SMARCA4: variants seen among roughly 807,000 people sequenced by gnomAD.
The protein encoded by SMARCA4 is SWI/SNF related BAF chromatin remodeling complex subunit ATPase 4.
Under a neutral mutation model 193.9 loss-of-function variants are expected in SMARCA4, and 31 were observed. That is an observed-to-expected ratio of 0.16 (90% CI 0.12 to 0.22). SMARCA4 has a LOEUF of 0.22. Among genes scored for constraint, SMARCA4 ranks in the 10% least tolerant of loss-of-function variants. SMARCA4 has a pLI of 1.00. For missense variants in SMARCA4, 1,148 were observed against 2,296.0 expected (o/e 0.50, Z 10.22); for synonymous variants, 942 against 933.1 (o/e 1.01, Z -0.17).
chr19:11,061,398 G>A (rs1352583104), intron 34 of SMARCA4, among the ~76,000 whole-genome samples: 4 of 151,640 alleles, frequency 2.6e-5, no homozygotes, highest in African/African-American at 9.7e-5. Context: ...ACAGGGACTC[G>A]TCCTGTAGAG....
In SMARCA4 at chr19:10,986,523, C is replaced by CGGCCCTGGCCCT. The variant is rs372601826; in HGVS notation, c.702_713dup (p.Gly241_Pro244dup). The CGGCCCTGGCCCT allele has an allele frequency of 1.3e-6, 2 of 1,543,526 alleles. No individual in the cohort carries two copies. The highest frequency in any genetic ancestry group is 2.4e-5 in the East Asian group (1 of 40,904). On this transcript the variant is annotated inframe_insertion, in exon 4 of 35. Transcript: ENST00000344626. This position sits in a 1 kb window ranked among gnomAD's most constrained non-coding sequence, Gnocchi z 6.7. Reference sequence around the variant, plus strand: ...CACCCTCGGTGTCCGCAACAGGACCCGGCCCTGGCCCTGGCCCTGGCCCCG... The same window carrying CGGCCCTGGCCCT: ...CACCCTCGGTGTCCGCAACAGGACCCGGCCCTGGCCCTGGCCCTGGCCCTGGCCCTGGCCCCG...
chr19:11,038,322 T>A (rs1028808916), intron 29 of SMARCA4, among the ~76,000 whole-genome samples: 2 of 152,174 alleles, frequency 1.3e-5, no homozygotes, highest in African/African-American at 4.8e-5. Context: ...TTTTTAAAAC[T>A]TAATCCCAAA....
chr19:10,996,562 C>A lies in SMARCA4; in HGVS notation c.1812+18C>A, dbSNP rs773139227. 2.5e-6 allele frequency: 4 copies of A among 1,612,682 alleles called. No homozygotes were observed. In the African/African-American group the frequency reaches 5.3e-5, roughly 22 times the overall value. On this transcript the variant is annotated intron_variant, in intron 11 of 34. Coordinates refer to ENST00000344626, the MANE Select transcript of SMARCA4 (RefSeq NM_003072.5). Reference sequence around the variant, plus strand: ...ATGGCGAGGTGAGGAAGCAGGGTTTCTTGTGGAAGTATCAAGCTAGCCCTA... The same window carrying A: ...ATGGCGAGGTGAGGAAGCAGGGTTTATTGTGGAAGTATCAAGCTAGCCCTA...
intron 34 of SMARCA4, among the ~76,000 whole-genome samples, chr19:11,061,185 CT>C (rs1255005809): frequency 2.7e-5 from 2 of 73,056 alleles, no homozygotes; most frequent in African/African-American, 1.7e-4. Flanking sequence ...AAGACCCTGT[CT>C]TTAAAAAAAA....
At chr19:11,025,660 A>C (rs2090200551) in intron 22 of SMARCA4, 152 bp downstream of exon 22, 6 of 671,634 alleles carry the variant, frequency 8.9e-6, no homozygotes, top group Non-Finnish European at 1.6e-5. Flanking sequence ...TCTTCGCTTC[A>C]CCAGTGCTTA....
rs751686365 is a variant in SMARCA4, at chr19:11,034,893, C to A, written c.3952-21C>A. ...GGTGCCTGCATGCTGATGCCTCTCC[C>A]GTTGCCTCCCTGCCCACCAGCGCAT... On this transcript the variant is annotated intron_variant, in intron 28 of 34. Transcript: ENST00000344626. The surrounding 1 kb of genome is among the most constrained non-coding windows in gnomAD (Gnocchi z 7.0). The A allele has an allele frequency of 6.5e-7, 1 of 1,528,260 alleles. No individual in the cohort carries two copies. Among genetic ancestry groups the A allele is most frequent in the Non-Finnish European group, 8.9e-7 (1 of 1,129,038 alleles). The allele number at this position is 1,528,260 out of a possible 1,614,324, so 94.7% of individuals were successfully genotyped here. A position where few individuals can be genotyped will look rare whatever the true frequency, so the allele number is the denominator to read the frequency against.
intron 13 of SMARCA4, among the ~76,000 whole-genome samples, chr19:11,004,063 C>G (rs1452304184): frequency 6.6e-6 from 1 of 151,576 alleles, no homozygotes; most frequent in African/African-American, 2.4e-5. Flanking sequence ...GTTGCCCAGG[C>G]TGGAGTGCAG....
intron 30 of SMARCA4, among the ~76,000 whole-genome samples, chr19:11,046,813 A>G (rs1175693037): frequency 6.6e-6 from 1 of 152,122 alleles, no homozygotes; most frequent in Non-Finnish European, 1.5e-5. Context: ...AAAATTAGCC[A>G]GGCGTGGTGG....
intron 30 of SMARCA4, among the ~76,000 whole-genome samples, chr19:11,048,770 G>C (rs993234653): frequency 1.3e-5 from 2 of 152,224 alleles, no homozygotes; most frequent in African/African-American, 4.8e-5. Flanking sequence ...GATACTTGCA[G>C]CCCCCTAGTT....
At chr19:11,044,985 A>G (rs571064332) in intron 30 of SMARCA4, among the ~76,000 whole-genome samples, 1 of 152,314 alleles carries the variant, frequency 6.6e-6, no homozygotes, top group South Asian at 2.1e-4. Context: ...TGCTACCTGG[A>G]AGAAGCTTAC....
At chr19:10,996,146 T>G in intron 9 of SMARCA4, 67 bp from the exon 10 acceptor site, 1 of 1,556,210 alleles carries the variant, frequency 6.4e-7, no homozygotes, top group Non-Finnish European at 8.9e-7. Flanking sequence ...CTGGATTGAC[T>G]GGCCATGGGT....
intron 30 of SMARCA4, among the ~76,000 whole-genome samples, chr19:11,046,141 T>A (rs1307896338): frequency 6.6e-6 from 1 of 150,618 alleles, no homozygotes; most frequent in East Asian, 2.0e-4. Context: ...GAGAATGGCG[T>A]GAACCCGGGA....
In SMARCA4 at chr19:11,059,874, C is replaced by T. The variant is rs773055372; in HGVS notation, c.4757C>T (p.Ser1586Phe). ...EEEEEGEEEGSESESRSVKVK... is the reference protein window; with the variant it reads ...EEEEEGEEEGFESESRSVKVK... ...GAGGAAGAGGGCGAGGAGGAAGGCT[C>T]CGAATCCGAATGTGAGTCCCGGGGG... The change falls in exon 33 of 35, where the codon TCC (serine) becomes TTC (phenylalanine). Residue 1586 changes from serine to phenylalanine, a missense_variant. Around this residue, in one of 17 missense-constraint regions of SMARCA4, gnomAD observed 105 missense variants for 133.7 expected, o/e 0.79. Coordinates refer to ENST00000344626, the MANE Select transcript of SMARCA4 (RefSeq NM_003072.5). 6.2e-7 allele frequency: 1 copy of T among 1,613,912 alleles called. No individual in the cohort carries two copies. Among genetic ancestry groups the T allele is most frequent in the Non-Finnish European group, 8.5e-7 (1 of 1,180,008 alleles).
At position 11,058,402 on chromosome 19, in the gene SMARCA4, G is replaced by A. The variant is rs1427108146; in HGVS notation, c.4533+39G>A. On this transcript the variant is annotated intron_variant, in intron 31 of 34. Transcript: ENST00000344626. The surrounding 1 kb of genome is among the most constrained non-coding windows in gnomAD (Gnocchi z 5.8). ...TGTACCTGCGCCCCGCATGTGCCCG[G>A]AGGGGAGTCTGACCCAGGGGCACCC... The A allele has an allele frequency of 3.5e-6, 5 of 1,426,124 alleles. No individual in the cohort carries two copies. Among genetic ancestry groups the A allele is most frequent in the Non-Finnish European group, 4.9e-6 (5 of 1,011,498 alleles). 88.3% of individuals were successfully genotyped at this position (1,426,124 alleles called of 1,614,324 possible).
intron 14 of SMARCA4, 98 bp downstream of exon 14, chr19:11,008,121 C>T (rs1196933735): frequency 1.6e-6 from 2 of 1,246,312 alleles, no homozygotes; most frequent in African/African-American, 3.0e-5. Context: ...TGACATTCAG[C>T]ACTGTCCAGC....
At chr19:10,963,928 C>T (rs2084012928) in intron 1 of SMARCA4, among the ~76,000 whole-genome samples, 1 of 151,876 alleles carries the variant, frequency 6.6e-6, no homozygotes, top group East Asian at 1.9e-4. Context: ...AAGCGAGACC[C>T]TGTCTAAAAA....
chr19:11,061,204 AAT>A (rs55894159), intron 34 of SMARCA4, among the ~76,000 whole-genome samples: 2,143 of 45,010 alleles, frequency 0.048, 58 homozygotes, highest in African/African-American at 0.075. Flanking sequence ...AAAAAAAAAA[AAT>A]ATATATATAT....
Position 10,991,185 on chromosome 19 carries a change from C to A in SMARCA4, c.1281C>A (p.Asp427Glu). ...RQEVVVCMRR[D>E]TALETALNAK... is the part of the protein sequence containing the mutation. ...AGGTGGTGGTGTGCATGCGGAGGGA[C>A]ACAGCGCTGGAGACAGCCCTCAATG... is the stretch of plus-strand genomic sequence containing the variant. The change falls in exon 8 of 35, where the codon GAC becomes GAA. Residue 427 changes from aspartate (D) to glutamate (E), a missense_variant. Physicochemically the swap from Asp to Glu is conservative, Grantham distance 45. Around this residue, in one of 17 missense-constraint regions of SMARCA4, gnomAD observed 69 missense variants for 186.9 expected, o/e 0.37. Coordinates refer to ENST00000344626, the MANE Select transcript of SMARCA4 (RefSeq NM_003072.5). 6.2e-7 allele frequency: 1 copy of A among 1,613,908 alleles called. No homozygotes were observed. Among genetic ancestry groups the A allele is most frequent in the Non-Finnish European group, 8.5e-7 (1 of 1,180,028 alleles).
rs1235280916 is a variant in SMARCA4, at chr19:11,059,843, G to A, written c.4726G>A (p.Glu1576Lys). 1.9e-6 allele frequency: 3 copies of A among 1,613,818 alleles called. No homozygotes were observed. The highest frequency in any genetic ancestry group is 2.5e-6 in the Non-Finnish European group (3 of 1,179,818). The change falls in exon 33 of 35, where the codon GAG becomes AAG. Residue 1576 changes from glutamate to lysine, a missense_variant. By Grantham distance (56) the Glu-to-Lys change is moderately conservative. Coordinates refer to ENST00000344626, the MANE Select transcript of SMARCA4 (RefSeq NM_003072.5). Reference protein sequence around the residue: ...KEDDSEGEESEEEEEGEEEGS... With the variant: ...KEDDSEGEESKEEEEGEEEGS... Reference sequence around the variant, plus strand: ...GGATGACAGTGAAGGCGAGGAGAGTGAGGAGGAGGAAGAGGGCGAGGAGGA... The same window carrying A: ...GGATGACAGTGAAGGCGAGGAGAGTAAGGAGGAGGAAGAGGGCGAGGAGGA...
Sources: gnomAD v4.1 joint callset for allele counts (sites outside exome capture counted in the v4.1 genomes callset) on GRCh38, gnomAD v4.1.1 for gene constraint, gnomAD v4.1.1 regional missense constraint, Gnocchi (gnomAD v3.1) non-coding constraint, MANE v1.5 for transcripts, NCBI Gene and HGNC (gene_info 2026-07-23, HGNC 2026-07-21) for gene names.